The following PATJ variants were observed in gnomAD, a reference collection of about 807,000 sequenced individuals.
PATJ encodes the protein PATJ crumbs cell polarity complex component.
A neutral mutation model predicts 224.9 loss-of-function variants in PATJ; 190 were observed. The ratio of observed to expected loss-of-function variants is 0.84; its 90% CI spans 0.75 to 0.95. PATJ has a LOEUF of 0.95. Among genes scored for constraint, PATJ ranks in the 40% least tolerant of loss-of-function variants. The pLI, the probability that PATJ is intolerant of heterozygous loss-of-function variation, is 0.00. For missense variants in PATJ, 2,121 were observed against 2,270.3 expected (o/e 0.93, Z 1.34); for synonymous variants, 769 against 820.3 (o/e 0.94, Z 1.07).
chr1:61,962,992 C>T (rs1015145186), intron 27 of PATJ, among the ~76,000 whole-genome samples: 16 of 152,182 alleles, frequency 1.1e-4, no homozygotes, highest in Non-Finnish European at 2.4e-4. Flanking sequence ...TTCCATTGTC[C>T]AGAGTTTAGT....
chr1:61,963,703 T>C (rs1681656238), intron 27 of PATJ, among the ~76,000 whole-genome samples: 2 of 152,174 alleles, frequency 1.3e-5, no homozygotes, highest in South Asian at 4.2e-4. Context: ...TTGAGTAGGC[T>C]GAGGAGGAGG....
intron 23 of PATJ, among the ~76,000 whole-genome samples, chr1:61,900,200 T>C (rs1157645796): frequency 6.6e-6 from 1 of 152,216 alleles, no homozygotes; most frequent in Non-Finnish European, 1.5e-5. Flanking sequence ...CTGCTCTCTG[T>C]ATTCCGTGTC....
At chr1:62,136,948 C>G (rs895192637) in intron 41 of PATJ, among the ~76,000 whole-genome samples, 1 of 152,156 alleles carries the variant, frequency 6.6e-6, no homozygotes, top group African/African-American at 2.4e-5. Context: ...TTCGCAGGAA[C>G]CTTTAGGAGA....
chr1:61,967,641 G>A (rs930531738), intron 27 of PATJ, among the ~76,000 whole-genome samples: 1 of 152,128 alleles, frequency 6.6e-6, no homozygotes, highest in East Asian at 1.9e-4. Flanking sequence ...TTTTTAGAAA[G>A]GACTGTTGCA....
In PATJ at chr1:62,114,146, G is replaced by GAA. The variant is rs754684561; in HGVS notation, c.4556_4557insAA (p.Asp1519GlufsTer29). On this transcript the variant is annotated frameshift_variant, in exon 35 of 44. Coordinates refer to ENST00000642238, the MANE Select transcript of PATJ (RefSeq NM_001350145.3). LOFTEE classifies it high-confidence loss of function. ...GAAGGTGCGGCTGGTGGTGTATAGA[G>GAA]ATGAGGCACACTACCGGGATGAGGA... The GAA allele has an allele frequency of 1.4e-5, 23 of 1,613,940 alleles. No individual in the cohort carries two copies. The South Asian group carries it at 2.5e-4, about 18-fold the overall frequency.
chr1:61,823,759 T>C (rs1195794190), intron 15 of PATJ, among the ~76,000 whole-genome samples: 1 of 152,174 alleles, frequency 6.6e-6, no homozygotes, highest in African/African-American at 2.4e-5. Flanking sequence ...CTAAAATTTA[T>C]GTTTGCTCAT....
chr1:62,046,016 C>T (rs1227472133), intron 30 of PATJ, among the ~76,000 whole-genome samples: 1 of 151,976 alleles, frequency 6.6e-6, no homozygotes, highest in Admixed American at 6.6e-5. Flanking sequence ...GCCAGGGCAG[C>T]ATGGTGAAAC....
intron 35 of PATJ, among the ~76,000 whole-genome samples, chr1:62,115,932 A>G (rs1168662564): frequency 1.3e-5 from 2 of 152,170 alleles, no homozygotes; most frequent in African/African-American, 4.8e-5. Context: ...CAAACAAAAA[A>G]AGCTGAGTCT....
intron 7 of PATJ, among the ~76,000 whole-genome samples, chr1:61,778,636 A>G (rs1647068071): frequency 6.6e-6 from 1 of 152,196 alleles, no homozygotes; most frequent in Non-Finnish European, 1.5e-5. Context: ...AGATGAGTCC[A>G]GCTGTTTTAA....
At chr1:62,017,618 G>T (rs1315934969) in intron 28 of PATJ, among the ~76,000 whole-genome samples, 1 of 151,142 alleles carries the variant, frequency 6.6e-6, no homozygotes, top group Non-Finnish European at 1.5e-5. Flanking sequence ...GGTAATTCCA[G>T]CTACTCAGGA....
At chr1:61,805,948 TAC>T (rs981176121) in intron 13 of PATJ, among the ~76,000 whole-genome samples, 2 of 152,274 alleles carry the variant, frequency 1.3e-5, no homozygotes, top group African/African-American at 4.8e-5. Context: ...CAAAGAATCT[TAC>T]AGTTTTATGT....
chr1:61,865,963 T>A (rs1246895634), intron 20 of PATJ, among the ~76,000 whole-genome samples: 2 of 152,212 alleles, frequency 1.3e-5, no homozygotes, highest in Non-Finnish European at 2.9e-5. Context: ...CTGGTTTTAT[T>A]TATGTGACCC....
intron 24 of PATJ, among the ~76,000 whole-genome samples, chr1:61,905,459 A>G (rs1224153786): frequency 6.6e-6 from 1 of 152,270 alleles, no homozygotes; most frequent in African/African-American, 2.4e-5. Flanking sequence ...GTGGCATTTC[A>G]TAATATGGAT....
intron 27 of PATJ, among the ~76,000 whole-genome samples, chr1:61,954,868 C>T (rs888392139): frequency 1.2e-4 from 18 of 151,802 alleles, no homozygotes; most frequent in African/African-American, 4.4e-4. Context: ...ATTCTCCTGC[C>T]TCAGCCTTCT....
intron 34 of PATJ, among the ~76,000 whole-genome samples, 165 bp downstream of exon 34, chr1:62,108,685 T>G (rs1006766856): frequency 2.6e-5 from 4 of 152,196 alleles, no homozygotes; most frequent in Admixed American, 6.5e-5. Flanking sequence ...ATACAGTGGT[T>G]TAGAATCATG....
chr1:61,905,065 CT>C (rs1671679736), intron 24 of PATJ, among the ~76,000 whole-genome samples: 1 of 133,286 alleles, frequency 7.5e-6, no homozygotes, highest in Admixed American at 8.0e-5. Context: ...TACAAAGAAA[CT>C]ACCACTTTCT....
chr1:61,764,154 G>A (rs568745221), intron 3 of PATJ, among the ~76,000 whole-genome samples: 14 of 152,070 alleles, frequency 9.2e-5, no homozygotes, highest in Admixed American at 7.2e-4. Context: ...CACCTCGCCC[G>A]GCCGAAGTCT....
At chr1:61,971,360 C>T (rs2149464694) in intron 27 of PATJ, among the ~76,000 whole-genome samples, 1 of 152,244 alleles carries the variant, frequency 6.6e-6, no homozygotes, top group African/African-American at 2.4e-5. Flanking sequence ...CTGTTTAAAA[C>T]AGCGTAAGGC....
In PATJ at chr1:61,981,949, G is replaced by A. The variant is rs572045209; in HGVS notation, c.3671-8219G>A. Among the ~76,000 whole-genome samples, 48 of 152,160 alleles carry A rather than the reference G, an allele frequency of 3.2e-4. 1 individual carries two copies. Among genetic ancestry groups the A allele is most frequent in the South Asian group, 1.0e-3 (5 of 4,830 alleles). On this transcript the variant is annotated intron_variant, in intron 27 of 43. Transcript: ENST00000642238. ...CTCCCAAAGTGCTGGGGTATCAGGC[G>A]TGAGCCACCGCACTCAGCCTTGTTG...
Sources: gnomAD v4.1 joint callset for allele counts (sites outside exome capture counted in the v4.1 genomes callset) on GRCh38, gnomAD v4.1.1 for gene constraint, MANE v1.5 for transcripts, NCBI Gene and HGNC (gene_info 2026-07-23, HGNC 2026-07-21) for gene names.